Variants in COPA observed in about 807,000 individuals in gnomAD.
COPA encodes the protein coatomer subunit alpha.
Under a neutral mutation model 158.7 loss-of-function variants are expected in COPA, and 10 were observed. That is an observed-to-expected ratio of 0.06 (90% CI 0.04 to 0.11). COPA has a LOEUF of 0.11. Among genes scored for constraint, COPA ranks in the 10% least tolerant of loss-of-function variants. COPA has a pLI of 1.00. For synonymous variants in COPA, 462 were observed against 542.8 expected, an observed-to-expected ratio of 0.85 and a Z score of 2.07; for missense variants, 1,065 against 1,536.7, an observed-to-expected ratio of 0.69 and a Z score of 5.13.
At chr1:160,337,447 C>T (rs565149883) in intron 3 of COPA, among the ~76,000 whole-genome samples, 33 of 152,310 alleles carry the variant, frequency 2.2e-4, no homozygotes, top group African/African-American at 7.2e-4. Context: ...GGGCCGGGTG[C>T]GGTGGCTCAC....
Position 160,299,105 on chromosome 1 carries a change from A to G in COPA, c.1827T>C (p.Asp609=), listed in dbSNP as rs200841462. ...FKLALINRKY[D]EVLHMVRNAK... ...AGTTTGCATCCTCACTTCATACCTC[A>G]TCATATTTTCTGTTGATCAGGGCCA... is the stretch of plus-strand genomic sequence containing the variant. The change falls in exon 18 of 33, where the codon GAT becomes GAC. Residue 609 remains aspartate, a synonymous_variant. Coordinates refer to ENST00000241704, the MANE Select transcript of COPA (RefSeq NM_004371.4). 1 of 1,613,868 alleles carries G rather than the reference A, an allele frequency of 6.2e-7. No homozygotes were observed. Among genetic ancestry groups the G allele is most frequent in the Admixed American group, 1.7e-5 (1 of 59,974 alleles).
At position 160,339,978 on chromosome 1, in the gene COPA, T is replaced by A. The variant is rs756825309; in HGVS notation, c.159A>T (p.Pro53=). Residue 53 remains proline (P), a synonymous_variant, in exon 3 of 33, where the codon CCA becomes CCT. Coordinates refer to ENST00000241704, the MANE Select transcript of COPA (RefSeq NM_004371.4). ...GCTTATGGAAGTCAATGCCTCGCAC[T>A]GGACCTGGTGGAGAAGGCAGGCAAT... ...LIDKFDEHDG[P]VRGIDFHKQQ... The A allele has an allele frequency of 5.6e-6, 9 of 1,614,114 alleles. No homozygotes were observed. In the East Asian group the frequency reaches 2.0e-4, roughly 36 times the overall value.
At chr1:160,293,094 T>A in intron 27 of COPA, 72 bp downstream of exon 27, 1 of 1,452,928 alleles carries the variant, frequency 6.9e-7, no homozygotes. Context: ...TTTCCCTTGA[T>A]TAAAATGAGT....
At chr1:160,294,896 C>T in intron 23 of COPA, 39 bp from the exon 24 acceptor site, 1 of 1,586,506 alleles carries the variant, frequency 6.3e-7, no homozygotes, top group Admixed American at 1.7e-5. Context: ...GGTTATAGTC[C>T]AGCAAGTCTG....
intron 8 of COPA, among the ~76,000 whole-genome samples, chr1:160,316,432 C>CA (rs1659138098): frequency 1.3e-5 from 2 of 151,470 alleles, no homozygotes; most frequent in Non-Finnish European, 2.9e-5. Flanking sequence ...CTACAAGATA[C>CA]AGAAAATTGC....
intron 17 of COPA, among the ~76,000 whole-genome samples, chr1:160,304,814 C>CT: frequency 6.6e-6 from 1 of 152,212 alleles, no homozygotes; most frequent in Middle Eastern, 3.4e-3. Flanking sequence ...ATTGTTCATA[C>CT]AAGCCAAAAA....
chr1:160,289,453 G>T lies in COPA; in HGVS notation c.*704C>A, dbSNP rs1658146444. On this transcript the variant is annotated 3_prime_UTR_variant, in exon 33 of 33. Transcript: ENST00000241704. ...TCTAAGGAAAATGGGAGATGATTAA[G>T]AGTTGGTGTGGCCTAGTCACACCAA... The T allele has an allele frequency of 6.6e-6, 1 of 152,176 alleles. No individual in the cohort carries two copies. The highest frequency in any genetic ancestry group is 6.5e-5 in the Admixed American group (1 of 15,278). The allele number at this position is 152,176 out of a possible 1,614,324, so 9.4% of individuals were successfully genotyped here. A position where few individuals can be genotyped will look rare whatever the true frequency, so the allele number is the denominator to read the frequency against.
intron 13 of COPA, among the ~76,000 whole-genome samples, chr1:160,308,595 G>A (rs1169496537): frequency 1.3e-5 from 2 of 152,186 alleles, no homozygotes; most frequent in Non-Finnish European, 2.9e-5. Flanking sequence ...CATCAACAAG[G>A]GATAGTGGTA....
At chr1:160,314,504 G>T (rs1023546167) in intron 8 of COPA, among the ~76,000 whole-genome samples, 1 of 152,074 alleles carries the variant, frequency 6.6e-6, no homozygotes, top group African/African-American at 2.4e-5. Flanking sequence ...TGTGGCGCAC[G>T]TTTGTAGTCC....
In COPA at chr1:160,288,828, G is replaced by A. The variant is rs978727680; in HGVS notation, c.*1329C>T. Among the ~76,000 whole-genome samples the A allele has an allele frequency of 2.6e-5, 4 of 152,050 alleles. No individual in the cohort carries two copies. The highest frequency in any genetic ancestry group is 6.6e-5 in the Admixed American group (1 of 15,256). On this transcript the variant is annotated 3_prime_UTR_variant, in exon 33 of 33. Coordinates refer to ENST00000241704, the MANE Select transcript of COPA (RefSeq NM_004371.4). ...TATCTAGAACAGTGACAGTCACATG[G>A]CAGGTGCTCAATAAATATTGCTATA... is the stretch of plus-strand genomic sequence containing the variant.
At chr1:160,294,457 C>T (rs1377974538) in intron 25 of COPA, 27 bp downstream of exon 25, 1 of 1,600,616 alleles carries the variant, frequency 6.2e-7, no homozygotes, top group Non-Finnish European at 8.6e-7. Flanking sequence ...ACGGAGAGAA[C>T]CTTCTAAGGG....
In COPA at chr1:160,305,790, T is replaced by G; in HGVS notation, c.1443-17A>C. On this transcript the variant is annotated splice_polypyrimidine_tract_variant and intron_variant, in intron 15 of 32. Transcript: ENST00000241704. ...GCCAGAGTCCTGAGATAGATAGAGATGTGCAAACATGAATGGATCTATTTC... is the reference window on the plus strand; with the variant it reads ...GCCAGAGTCCTGAGATAGATAGAGAGGTGCAAACATGAATGGATCTATTTC... 2 of 1,594,344 alleles carry G rather than the reference T, an allele frequency of 1.3e-6. No homozygotes were observed. The highest frequency in any genetic ancestry group is 2.2e-5 in the South Asian group (2 of 90,630).
intron 8 of COPA, chr1:160,317,434 G>C (rs1352909166): frequency 5.0e-6 from 8 of 1,608,686 alleles, no homozygotes; most frequent in Admixed American, 1.7e-5. Context: ...TTCAACTGAG[G>C]ACTTGGGGGA....
At chr1:160,311,111 T>C (rs1417428816) in intron 11 of COPA, among the ~76,000 whole-genome samples, 1 of 151,994 alleles carries the variant, frequency 6.6e-6, no homozygotes, top group Non-Finnish European at 1.5e-5. Flanking sequence ...GGGGATTCCA[T>C]CTGTGACAGA....
Position 160,323,534 on chromosome 1 carries a change from T to C in COPA, c.607-4A>G. 1 of 1,604,514 alleles carries C rather than the reference T, an allele frequency of 6.2e-7. No individual in the cohort carries two copies. The highest frequency in any genetic ancestry group is 8.5e-7 in the Non-Finnish European group (1 of 1,174,436). ...AGTTTACTCCACGATCGTGACCCTG[T>C]AGAAAAGAGTGGTTCTTCTAAAACA... On this transcript the variant is annotated splice_polypyrimidine_tract_variant and splice_region_variant and intron_variant, in intron 7 of 32. Transcript: ENST00000241704.
Position 160,289,982 on chromosome 1 carries a change from A to G in COPA, c.*175T>C. Reference sequence around the variant, plus strand: ...TAGTCAAGTTGAGAAGACCTCAAAAAAGTCAAGTTTAGACCTTCGGATTTT... The same window carrying G: ...TAGTCAAGTTGAGAAGACCTCAAAAGAGTCAAGTTTAGACCTTCGGATTTT... On this transcript the variant is annotated 3_prime_UTR_variant, in exon 33 of 33. Transcript: ENST00000241704. The G allele has an allele frequency of 6.2e-6, 4 of 643,752 alleles. No homozygotes were observed. Among genetic ancestry groups the G allele is most frequent in the Non-Finnish European group, 1.1e-5 (4 of 364,396 alleles). 39.9% of individuals were successfully genotyped at this position (643,752 alleles called of 1,614,324 possible). A position where few individuals can be genotyped will look rare whatever the true frequency, so the allele number is the denominator to read the frequency against.
chr1:160,295,719 G>A lies in COPA; in HGVS notation c.2476+17C>T. 6.3e-7 allele frequency: 1 copy of A among 1,587,090 alleles called. No individual in the cohort carries two copies. Among genetic ancestry groups the A allele is most frequent in the Non-Finnish European group, 8.5e-7 (1 of 1,170,410 alleles). ...AAAACAAACAACAAAAGTGCTATGG[G>A]AGAAATAGGTACTTACCTTTGCTGG... On this transcript the variant is annotated intron_variant, in intron 23 of 32. Coordinates refer to ENST00000241704, the MANE Select transcript of COPA (RefSeq NM_004371.4).
rs1658177371 is a variant in COPA at position 160,290,160 on chromosome 1, G to T, written c.3672C>A (p.Arg1224=). 6.2e-7 allele frequency: 1 copy of T among 1,614,132 alleles called. No individual in the cohort carries two copies. Among genetic ancestry groups the T allele is most frequent in the Non-Finnish European group, 8.5e-7 (1 of 1,179,998 alleles). ...IGLRISPLQF[R] Reference sequence around the variant, plus strand: ...ACCCATGCACACAAAGGGGGCCTTAGCGAAACTGCAGAGGACTGATCCTTA... The same window carrying T: ...ACCCATGCACACAAAGGGGGCCTTATCGAAACTGCAGAGGACTGATCCTTA... Residue 1224 remains arginine (R), a synonymous_variant, in exon 33 of 33, where the codon CGC becomes CGA. Transcript: ENST00000241704.
At chr1:160,298,501 C>G (rs1038180803) in intron 19 of COPA, among the ~76,000 whole-genome samples, 1 of 152,194 alleles carries the variant, frequency 6.6e-6, no homozygotes, top group Non-Finnish European at 1.5e-5. Flanking sequence ...TAGGCCCCAA[C>G]GCTTAGTAGG....
Sources: allele counts gnomAD v4.1 joint callset (sites outside exome capture counted in the v4.1 genomes callset), GRCh38; gene constraint gnomAD v4.1.1; transcripts MANE v1.5; gene names NCBI Gene and HGNC (gene_info 2026-07-23, HGNC 2026-07-21).